CGGBP1: variants seen among roughly 807,000 people sequenced by gnomAD.
The protein encoded by CGGBP1 is CGG triplet repeat-binding protein 1.
In CGGBP1, 4 loss-of-function variants were observed where a neutral mutation model predicts 11.4. The ratio of observed to expected loss-of-function variants is 0.35; its 90% confidence interval spans 0.17 to 0.80. CGGBP1 has a LOEUF of 0.80. Among genes scored for constraint, CGGBP1 ranks in the 30% least tolerant of loss-of-function variants. The pLI is 0.52. For synonymous variants in CGGBP1, 76 were observed against 74.1 expected (o/e 1.03, Z -0.13); for missense variants, 135 against 202.1 (o/e 0.67, Z 2.01).
intron 2 of CGGBP1, among the ~76,000 whole-genome samples, chr3:88,064,136 A>G (rs1423058635): frequency 2.7e-5 from 4 of 148,412 alleles, no homozygotes; most frequent in Admixed American, 2.7e-4. Flanking sequence ...CACAGCTTAT[A>G]ACAAAAAATA....
At chr3:88,138,673 AG>A (rs1706952232) in intron 2 of CGGBP1, 1 of 1,205,852 alleles carries the variant, frequency 8.3e-7, no homozygotes, top group African/African-American at 1.6e-5. Flanking sequence ...TTGGAAAAAA[AG>A]TATTTAGCAC....
chr3:88,068,759 A>G (rs1463620825), intron 2 of CGGBP1, among the ~76,000 whole-genome samples: 3 of 152,152 alleles, frequency 2.0e-5, no homozygotes, highest in African/African-American at 7.2e-5. Flanking sequence ...GCTATGTGCC[A>G]TTATTCTCAT....
chr3:88,148,644 T>A lies in CGGBP1; in HGVS notation c.-338+1067A>T, dbSNP rs1238614902. ...ATATATGACTGATATTTAGCTATTATTTATTTTTGAGACAGGGTCTCGCTC... is the reference window on the plus strand; with the variant it reads ...ATATATGACTGATATTTAGCTATTAATTATTTTTGAGACAGGGTCTCGCTC... On this transcript the variant is annotated intron_variant, in intron 1 of 3. Coordinates refer to the CGGBP1 transcript ENST00000462901. 7.2e-5 allele frequency among the ~76,000 whole-genome samples: 11 copies of A among 152,342 alleles called. No individual in the cohort carries two copies. In the South Asian group the frequency reaches 1.9e-3, roughly 26 times the overall value.
chr3:88,139,497 G>A lies in CGGBP1; in HGVS notation c.-229+1473C>T, dbSNP rs1295360858. On this transcript the variant is annotated intron_variant, in intron 2 of 3. Transcript: ENST00000462901. ...GCAAATTGCTGCAGCTCAACAGGAT[G>A]ATCAGGAAGTCACTGCTTTGGAAGA... The A allele has an allele frequency of 2.9e-5, 46 of 1,613,582 alleles. No individual in the cohort carries two copies. The Middle Eastern group carries it at 2.5e-3, about 87-fold the overall frequency.
At chr3:88,126,538 C>T (rs1360203743) in intron 2 of CGGBP1, among the ~76,000 whole-genome samples, 3 of 143,130 alleles carry the variant, frequency 2.1e-5, no homozygotes, top group African/African-American at 5.1e-5. Context: ...GTATTTTTGT[C>T]ACTTCAGTTA....
At chr3:88,099,711 C>A (rs1280815005) in intron 2 of CGGBP1, among the ~76,000 whole-genome samples, 2 of 152,146 alleles carry the variant, frequency 1.3e-5, no homozygotes, top group Admixed American at 1.3e-4. Flanking sequence ...CTGACAAAAA[C>A]AAGAAATGGA....
intron 2 of CGGBP1, among the ~76,000 whole-genome samples, chr3:88,110,068 G>T (rs1704995887): frequency 6.6e-6 from 1 of 152,096 alleles, no homozygotes; most frequent in Non-Finnish European, 1.5e-5. Context: ...AATCTGGATG[G>T]TGACATGTTA....
intron 1 of CGGBP1, among the ~76,000 whole-genome samples, chr3:88,145,264 T>G (rs533711942): frequency 7.7e-4 from 117 of 152,152 alleles, no homozygotes; most frequent in African/African-American, 2.8e-3. Context: ...AACTTGCAAT[T>G]GGAAAAAATG....
chr3:88,060,984 A>G (rs1443530203), upstream of CGGBP1, among the ~76,000 whole-genome samples: 1 of 152,104 alleles, frequency 6.6e-6, no homozygotes, highest in Non-Finnish European at 1.5e-5. Flanking sequence ...TGGCATTGCT[A>G]TTTAATGACT....
chr3:88,146,449 G>T (rs1269442548), intron 1 of CGGBP1, among the ~76,000 whole-genome samples: 1 of 152,116 alleles, frequency 6.6e-6, no homozygotes, highest in Admixed American at 6.5e-5. Flanking sequence ...AGGGTTTTTT[G>T]TTGTTTTTTG....
At chr3:88,101,127 T>G (rs1307035370) in intron 2 of CGGBP1, among the ~76,000 whole-genome samples, 3 of 152,184 alleles carry the variant, frequency 2.0e-5, no homozygotes, top group Non-Finnish European at 2.9e-5. Flanking sequence ...AAAGCTTTAT[T>G]AAAAAGTATA....
chr3:88,093,618 G>A (rs76643756), intron 2 of CGGBP1, among the ~76,000 whole-genome samples: 3 of 152,218 alleles, frequency 2.0e-5, no homozygotes, highest in Non-Finnish European at 4.4e-5. Flanking sequence ...TATTTTGAGT[G>A]GCTAGATATT....
chr3:88,085,894 G>A (rs892614108), intron 2 of CGGBP1, among the ~76,000 whole-genome samples: 3 of 151,908 alleles, frequency 2.0e-5, no homozygotes, highest in African/African-American at 4.8e-5. Context: ...ATGCATGATC[G>A]TTTCTAATTT....
At chr3:88,142,730 A>C (rs570897501) in intron 1 of CGGBP1, 1 of 152,412 alleles carries the variant, frequency 6.6e-6, no homozygotes, top group East Asian at 1.9e-4. Context: ...CTGTTTTTTT[A>C]ATTCATTAGT....
chr3:88,114,948 A>T (rs1222243765), intron 2 of CGGBP1, among the ~76,000 whole-genome samples: 1 of 152,188 alleles, frequency 6.6e-6, no homozygotes, highest in East Asian at 1.9e-4. Flanking sequence ...TTTTTGAAAT[A>T]TTTTTCATAA....
chr3:88,129,852 GA>G, intron 2 of CGGBP1: 4 of 1,390,770 alleles, frequency 2.9e-6, no homozygotes, highest in South Asian at 1.7e-5. Flanking sequence ...TAAAGAAATT[GA>G]AATGGTAAGA....
chr3:88,144,206 A>G (rs1553702121), intron 1 of CGGBP1: 1 of 152,356 alleles, frequency 6.6e-6, no homozygotes, highest in Non-Finnish European at 1.5e-5. Context: ...GGACACTGGT[A>G]CTTTGGGCTT....
intron 2 of CGGBP1, among the ~76,000 whole-genome samples, chr3:88,104,093 AAG>A (rs1704597133): frequency 6.6e-6 from 1 of 152,060 alleles, no homozygotes; most frequent in African/African-American, 2.4e-5. Context: ...TCTAAAGTAA[AAG>A]AGAGAGATGT....
chr3:88,116,899 T>G (rs1705442990), intron 2 of CGGBP1, among the ~76,000 whole-genome samples: 1 of 152,192 alleles, frequency 6.6e-6, no homozygotes, highest in African/African-American at 2.4e-5. Context: ...AGTAAAACAG[T>G]TCTCTGTTCT....
Sources: gnomAD v4.1 joint callset for allele counts (sites outside exome capture counted in the v4.1 genomes callset) on GRCh38, gnomAD v4.1.1 for gene constraint, MANE v1.5 for transcripts, NCBI Gene and HGNC (gene_info 2026-07-23, HGNC 2026-07-21) for gene names.